Variants in ST8SIA6 observed in about 807,000 individuals in gnomAD.
ST8SIA6 encodes the protein ST8 alpha-N-acetyl-neuraminide alpha-2,8-sialyltransferase 6, also known as alpha-2,8-sialyltransferase 8F.
In ST8SIA6, 39 loss-of-function variants were observed where a neutral mutation model predicts 33.6. The observed-to-expected ratio is 1.16, with a 90% CI of 0.90 to 1.52. The LOEUF is 1.52. Among genes scored for constraint, ST8SIA6 ranks in the 40% most tolerant of loss-of-function variants. ST8SIA6 has a pLI of 0.00. For synonymous variants in ST8SIA6, 172 were observed against 167.2 expected (o/e 1.03, Z -0.22); for missense variants, 441 against 443.8 (o/e 0.99, Z 0.06).
intron 2 of ST8SIA6, among the ~76,000 whole-genome samples, chr10:17,441,865 A>G (rs1300700799): frequency 6.6e-6 from 1 of 151,628 alleles, no homozygotes; most frequent in East Asian, 1.9e-4. Flanking sequence ...AAGACGATAT[A>G]AAACAATTTT....
chr10:17,400,066 A>C (rs1169182472), intron 2 of ST8SIA6, among the ~76,000 whole-genome samples: 2 of 152,194 alleles, frequency 1.3e-5, no homozygotes, highest in Non-Finnish European at 2.9e-5. Flanking sequence ...TATTGAGGTG[A>C]ATTTGCCAGT....
At chr10:17,374,764 T>TATATATATATATATATGCACAC (rs1441288579) in intron 3 of ST8SIA6, among the ~76,000 whole-genome samples, 1 of 126,846 alleles carries the variant, frequency 7.9e-6, no homozygotes, top group African/African-American at 3.0e-5. Context: ...TATATATATA[T>TATATATATATATATATGCACAC]ATATTTAGCT....
At chr10:17,423,618 T>C (rs567717528) in intron 2 of ST8SIA6, among the ~76,000 whole-genome samples, 1 of 152,338 alleles carries the variant, frequency 6.6e-6, no homozygotes, top group East Asian at 1.9e-4. Flanking sequence ...TTCCTTTCTC[T>C]TCCACTACCA....
intron 4 of ST8SIA6, among the ~76,000 whole-genome samples, chr10:17,340,419 C>T (rs1194303571): frequency 6.6e-6 from 1 of 152,160 alleles, no homozygotes; most frequent in Non-Finnish European, 1.5e-5. Context: ...AAACTGCTCA[C>T]CCCGCCACTC....
intron 2 of ST8SIA6, among the ~76,000 whole-genome samples, chr10:17,446,906 G>A (rs900562920): frequency 2.1e-4 from 31 of 150,138 alleles, no homozygotes; most frequent in East Asian, 5.8e-4. Context: ...TTAGCTGAGC[G>A]TGGTGGCAGA....
At chr10:17,358,714 GAAGA>G (rs1588835952) in intron 4 of ST8SIA6, among the ~76,000 whole-genome samples, 2 of 130,298 alleles carry the variant, frequency 1.5e-5, no homozygotes, top group African/African-American at 2.9e-5. Flanking sequence ...GAGGAGGAAA[GAAGA>G]AAGAAGAAGA....
intron 4 of ST8SIA6, among the ~76,000 whole-genome samples, chr10:17,343,500 G>A (rs1215338098): frequency 6.6e-6 from 1 of 152,154 alleles, no homozygotes. Context: ...GAAGAGAGGT[G>A]GAGAGGTTAA....
At chr10:17,406,510 A>G (rs1851265146) in intron 2 of ST8SIA6, among the ~76,000 whole-genome samples, 1 of 152,206 alleles carries the variant, frequency 6.6e-6, no homozygotes. Flanking sequence ...TGTGCACTGC[A>G]TGCATTAATA....
intron 3 of ST8SIA6, among the ~76,000 whole-genome samples, chr10:17,361,345 A>G (rs1265806659): frequency 1.3e-5 from 2 of 152,114 alleles, no homozygotes; most frequent in Admixed American, 1.3e-4. Context: ...AAGAATCCTT[A>G]AAACATTAAA....
Position 17,454,414 on chromosome 10 carries a change from A to G in ST8SIA6, c.-159T>C, listed in dbSNP as rs1853044408. The G allele has an allele frequency of 6.3e-6, 1 of 158,370 alleles. No homozygotes were observed. Among genetic ancestry groups the G allele is most frequent in the Non-Finnish European group, 1.4e-5 (1 of 72,390 alleles). 9.8% of individuals were successfully genotyped at this position (158,370 alleles called of 1,614,324 possible). ...CGGCAGCGAGGGGCGCCCGCAGCCC[A>G]CCCGGCAGAGTCTCCGCGGCGGGCG... On this transcript the variant is annotated 5_prime_UTR_variant, in exon 1 of 8. Transcript: ENST00000377602. The surrounding 1 kb of genome is among the most constrained non-coding windows in gnomAD (Gnocchi z 4.1).
At chr10:17,385,912 G>T (rs184636064) in intron 3 of ST8SIA6, among the ~76,000 whole-genome samples, 2 of 152,262 alleles carry the variant, frequency 1.3e-5, no homozygotes, top group Admixed American at 1.3e-4. Flanking sequence ...AGATTTTCTG[G>T]GTTCAAGTGC....
chr10:17,369,453 T>C (rs973935972), intron 3 of ST8SIA6, among the ~76,000 whole-genome samples: 2 of 152,350 alleles, frequency 1.3e-5, no homozygotes, highest in African/African-American at 4.8e-5. Flanking sequence ...ATTATTTCTA[T>C]TCTTTTAAAT....
intron 2 of ST8SIA6, among the ~76,000 whole-genome samples, chr10:17,436,156 C>T (rs1261135423): frequency 1.3e-5 from 2 of 152,204 alleles, no homozygotes; most frequent in Non-Finnish European, 2.9e-5. Context: ...AACCTTCTAT[C>T]GTGCCAATGA....
chr10:17,424,430 T>C (rs775838132), intron 2 of ST8SIA6, among the ~76,000 whole-genome samples: 3 of 152,110 alleles, frequency 2.0e-5, no homozygotes, highest in Non-Finnish European at 4.4e-5. Flanking sequence ...TGTTGCATCA[T>C]TGTCATTGTA....
rs547082083 is a variant in ST8SIA6 at position 17,340,211 on chromosome 10, C to T, written c.378-8659G>A. 7.0e-4 allele frequency among the ~76,000 whole-genome samples: 107 copies of T among 152,252 alleles called. 5 individuals are homozygous for T. In the South Asian group the frequency reaches 0.018, roughly 26 times the overall value. ...TCTTCGTCTCCTTGCCCCTAGTTTC[C>T]GTAAACAACCTTCCCACCAGTTCTC... On this transcript the variant is annotated intron_variant, in intron 4 of 7. Coordinates refer to ENST00000377602, the MANE Select transcript of ST8SIA6 (RefSeq NM_001004470.3).
At chr10:17,378,232 A>G (rs1451654102) in intron 3 of ST8SIA6, among the ~76,000 whole-genome samples, 5 of 152,218 alleles carry the variant, frequency 3.3e-5, no homozygotes, top group African/African-American at 9.6e-5. Flanking sequence ...ATGCACATCA[A>G]AGAGTTGTCA....
intron 2 of ST8SIA6, among the ~76,000 whole-genome samples, chr10:17,416,900 G>C (rs897657441): frequency 6.6e-6 from 1 of 152,120 alleles, no homozygotes; most frequent in Non-Finnish European, 1.5e-5. Context: ...CCTCACCAAG[G>C]CTTGCATCCT....
intron 3 of ST8SIA6, among the ~76,000 whole-genome samples, chr10:17,382,782 T>C (rs1850197816): frequency 6.6e-6 from 1 of 152,182 alleles, no homozygotes; most frequent in Admixed American, 6.6e-5. Context: ...CAGGGACTAC[T>C]GTGAAAGAGG....
chr10:17,389,912 C>A (rs1850523679), intron 3 of ST8SIA6, among the ~76,000 whole-genome samples: 1 of 152,130 alleles, frequency 6.6e-6, no homozygotes, highest in Non-Finnish European at 1.5e-5. Flanking sequence ...GCCTTGAACT[C>A]CTGGGCTCAA....
Sources: allele counts gnomAD v4.1 joint callset (sites outside exome capture counted in the v4.1 genomes callset), GRCh38; gene constraint gnomAD v4.1.1; non-coding constraint Gnocchi (gnomAD v3.1); transcripts MANE v1.5; gene names NCBI Gene and HGNC (gene_info 2026-07-23, HGNC 2026-07-21).